ACTR3C: variants seen among roughly 807,000 people sequenced by gnomAD.
ACTR3C encodes actin-related protein 3C.
In ACTR3C, 18 loss-of-function variants were observed where a neutral mutation model predicts 26.3. The observed-to-expected ratio is 0.68, with a 90% CI of 0.47 to 1.01. The LOEUF (loss-of-function observed/expected upper bound fraction) is 1.01, where lower values mean the gene tolerates loss of function less well. ACTR3C is among the 50% of genes least tolerant of loss of function. The pLI is 0.00. For synonymous variants in ACTR3C, 55 were observed against 94.5 expected, an observed-to-expected ratio of 0.58 and a Z score of 2.42; for missense variants, 184 against 250.7, an observed-to-expected ratio of 0.73 and a Z score of 1.80.
the ACTR3C span, among the ~76,000 whole-genome samples, chr7:150,209,440 A>G: frequency 1.3e-5 from 2 of 151,478 alleles, no homozygotes; most frequent in Non-Finnish European, 2.9e-5. Flanking sequence ...ACTCAAAGGT[A>G]TTTTATGTTT....
the ACTR3C span, among the ~76,000 whole-genome samples, chr7:150,046,349 C>CA: frequency 5.0e-4 from 18 of 36,172 alleles, 2 homozygotes; most frequent in South Asian, 3.5e-3. Flanking sequence ...GTCTCACCGC[C>CA]CCCCCCCCCC....
the ACTR3C span, among the ~76,000 whole-genome samples, chr7:149,960,514 C>G: frequency 6.6e-6 from 1 of 152,262 alleles, no homozygotes; most frequent in African/African-American, 2.4e-5. Context: ...AACTGTAATA[C>G]ATCCTTTCAG....
chr7:150,222,268 A>AT, the ACTR3C span, among the ~76,000 whole-genome samples: 2 of 152,192 alleles, frequency 1.3e-5, no homozygotes, highest in Non-Finnish European at 2.9e-5. Context: ...GTGGATGCAG[A>AT]TGCTGGTTGG....
chr7:149,926,931 C>G, the ACTR3C span, among the ~76,000 whole-genome samples: 1 of 152,130 alleles, frequency 6.6e-6, no homozygotes, highest in South Asian at 2.1e-4. Flanking sequence ...GTTCAGCCTT[C>G]TCTCGTGCTC....
chr7:149,917,213 T>C, the ACTR3C span, among the ~76,000 whole-genome samples: 1 of 152,060 alleles, frequency 6.6e-6, no homozygotes, highest in Non-Finnish European at 1.5e-5. Flanking sequence ...GTAGCTGGGA[T>C]TACAGGCATG....
At chr7:150,292,972 C>A (rs905719498) in intron 3 of ACTR3C, among the ~76,000 whole-genome samples, 2 of 152,246 alleles carry the variant, frequency 1.3e-5, no homozygotes, top group African/African-American at 4.8e-5. Context: ...GGAAAATGTT[C>A]TTGTTGATGT....
At chr7:150,308,567 T>C (rs942975671) in intron 1 of ACTR3C, among the ~76,000 whole-genome samples, 2 of 152,078 alleles carry the variant, frequency 1.3e-5, no homozygotes. Context: ...CTTTCTCTCC[T>C]GTCCGCTTCT....
the ACTR3C span, among the ~76,000 whole-genome samples, chr7:149,898,779 C>T: frequency 6.6e-6 from 1 of 152,028 alleles, no homozygotes; most frequent in Non-Finnish European, 1.5e-5. Flanking sequence ...ACAAAGTATA[C>T]TTCTTTTAAC....
At chr7:150,063,597 A>G in the ACTR3C span, among the ~76,000 whole-genome samples, 1 of 151,638 alleles carries the variant, frequency 6.6e-6, no homozygotes, top group Admixed American at 6.5e-5. Context: ...GAGATTTTCA[A>G]ATGTCTGGAT....
the ACTR3C span, among the ~76,000 whole-genome samples, chr7:149,973,216 C>G: frequency 6.6e-6 from 1 of 152,186 alleles, no homozygotes; most frequent in Non-Finnish European, 1.5e-5. Context: ...CACAGAGGCC[C>G]CACCCGGGGG....
chr7:150,134,232 T>TAAAAAAAAAA, the ACTR3C span, among the ~76,000 whole-genome samples: 1 of 125,302 alleles, frequency 8.0e-6, no homozygotes, highest in African/African-American at 2.8e-5. Context: ...CTATATGCAG[T>TAAAAAAAAAA]AAAAAAAAAA....
the ACTR3C span, among the ~76,000 whole-genome samples, chr7:150,141,751 A>G: frequency 6.6e-6 from 1 of 152,018 alleles, no homozygotes; most frequent in African/African-American, 2.4e-5. Flanking sequence ...TAGCAGGTAA[A>G]GATTATTACT....
chr7:149,938,426 C>T, the ACTR3C span, among the ~76,000 whole-genome samples: 2 of 98,612 alleles, frequency 2.0e-5, no homozygotes, highest in Non-Finnish European at 4.4e-5. Flanking sequence ...GTTTTGCATT[C>T]AGAAATTTAG....
At chr7:150,086,490 C>G in the ACTR3C span, among the ~76,000 whole-genome samples, 8 of 152,154 alleles carry the variant, frequency 5.3e-5, no homozygotes, top group African/African-American at 1.9e-4. Context: ...TAGAATTTAT[C>G]AAGGCCTCTG....
chr7:149,982,004 GCA>G, the ACTR3C span, among the ~76,000 whole-genome samples: 23 of 152,208 alleles, frequency 1.5e-4, no homozygotes, highest in Non-Finnish European at 4.4e-5. Flanking sequence ...CCAGCATGTA[GCA>G]CAGATATGAA....
chr7:149,991,874 C>T, the ACTR3C span, among the ~76,000 whole-genome samples: 3 of 152,254 alleles, frequency 2.0e-5, no homozygotes, highest in Admixed American at 2.0e-4. Context: ...GGACCGCAGG[C>T]GTGTGCCACC....
At chr7:150,215,009 CAA>C in the ACTR3C span, among the ~76,000 whole-genome samples, 18 of 137,910 alleles carry the variant, frequency 1.3e-4, no homozygotes, top group African/African-American at 5.6e-4. Context: ...AGTAGTATTT[CAA>C]ACACACAAAA....
At chr7:150,037,203 A>G in the ACTR3C span, among the ~76,000 whole-genome samples, 2,143 of 42,950 alleles carry the variant, frequency 0.05, 880 homozygotes, top group Non-Finnish European at 0.068. Context: ...AAGAGGGGAT[A>G]GCTCTCAGTA....
chr7:149,968,837 C>T, the ACTR3C span, among the ~76,000 whole-genome samples: 10 of 148,350 alleles, frequency 6.7e-5, no homozygotes, highest in Non-Finnish European at 1.3e-4. Flanking sequence ...CAGAGAGGCC[C>T]GCTGTGCCTG....
Sources: allele counts gnomAD v4.1 joint callset (sites outside exome capture counted in the v4.1 genomes callset), GRCh38; gene constraint gnomAD v4.1.1; transcripts MANE v1.5; gene names NCBI Gene and HGNC (gene_info 2026-07-23, HGNC 2026-07-21).